Variants in UNC119 observed in about 807,000 individuals in gnomAD.
UNC119 encodes unc-119 lipid binding chaperone, also known as protein unc-119 homolog A.
A neutral mutation model predicts 22.6 loss-of-function variants in UNC119; 15 were observed. The observed-to-expected ratio is 0.66, with a 90% confidence interval of 0.44 to 1.02. The LOEUF is 1.02. UNC119 is among the 50% of genes least tolerant of loss of function. The pLI is 0.00. For synonymous variants in UNC119, 138 were observed against 139.4 expected, an observed-to-expected ratio of 0.99 and a Z score of 0.07; for missense variants, 322 against 336.0, an observed-to-expected ratio of 0.96 and a Z score of 0.33.
Position 28,547,111 on chromosome 17 carries a change from C to T in UNC119, c.*186G>A. 1 of 696,856 alleles carries T rather than the reference C, an allele frequency of 1.4e-6. No homozygotes were observed. The allele number at this position is 696,856 out of a possible 1,614,324, so 43.2% of individuals were successfully genotyped here. A position where few individuals can be genotyped will look rare whatever the true frequency, so the allele number is the denominator to read the frequency against. The stretch of plus-strand genomic sequence containing the variant: ...CTCCCTACGACCCCACCCCATGTAG[C>T]AGGCCGCATGGGCTTCATGGGCTTG... On this transcript the variant is annotated 3_prime_UTR_variant, in exon 5 of 5. Transcript: ENST00000335765.
chr17:28,548,265 GT>G, intron 2 of UNC119, 164 bp from the exon 3 acceptor site: 1 of 688,438 alleles, frequency 1.5e-6, no homozygotes, highest in South Asian at 1.9e-5. Flanking sequence ...CCACCTAGGG[GT>G]TCTAGGTCTG....
chr17:28,552,473 G>C lies in UNC119; in HGVS notation c.85C>G (p.Pro29Ala), dbSNP rs1398705872. 1.3e-6 allele frequency: 2 copies of C among 1,578,912 alleles called. No homozygotes were observed. The highest frequency in any genetic ancestry group is 1.7e-5 in the Admixed American group (1 of 58,040). The change falls in exon 1 of 5, where the codon CCA becomes GCA. Residue 29 changes from proline to alanine, a missense_variant. By Grantham distance (27) the Pro-to-Ala change is conservative. Coordinates refer to ENST00000335765, the MANE Select transcript of UNC119 (RefSeq NM_005148.4). ...GPSGQSVAPI[P>A]QPPAESESGS... Reference sequence around the variant, plus strand: ...GATTCGGATTCCGCAGGCGGCTGTGGTATGGGGGCCACGCTCTGGCCCGAG... The same window carrying C: ...GATTCGGATTCCGCAGGCGGCTGTGCTATGGGGGCCACGCTCTGGCCCGAG...
chr17:28,552,084 G>A (rs1271842745), intron 1 of UNC119: 2 of 681,642 alleles, frequency 2.9e-6, no homozygotes, highest in East Asian at 5.8e-5. Context: ...GGGAAAAGGG[G>A]ACGGGCCCCT....
Position 28,547,850 on chromosome 17 carries a change from C to T in UNC119, c.438-1G>A. 1 of 1,614,100 alleles carries T rather than the reference C, an allele frequency of 6.2e-7. No individual in the cohort carries two copies. Among genetic ancestry groups the T allele is most frequent in the Non-Finnish European group, 8.5e-7 (1 of 1,179,982 alleles). The stretch of plus-strand genomic sequence containing the variant: ...CTTGTCTCCCACTGTGAACTCCACC[C>T]TGAGCAAGAAAAGGAGGCAGGGCTA... On this transcript the variant is annotated splice_acceptor_variant, in intron 3 of 4. Transcript: ENST00000335765. LOFTEE classifies it high-confidence loss of function.
In UNC119 at chr17:28,547,346, C is replaced by T. The variant is rs372687395; in HGVS notation, c.674G>A (p.Arg225Gln). The change falls in exon 5 of 5, where the codon CGG (arginine) becomes CAG (glutamine). Residue 225 changes from arginine (R) to glutamine (Q), a missense_variant. By Grantham distance (43) the Arg-to-Gln change is conservative. Coordinates refer to ENST00000335765, the MANE Select transcript of UNC119 (RefSeq NM_005148.4). Reference protein sequence around the residue: ...QSDSFYFVDDRLVMHNKADYS... With the variant: ...QSDSFYFVDDQLVMHNKADYS... The stretch of plus-strand genomic sequence containing the variant: ...GTCTGCTTTATTGTGCATCACCAGC[C>T]GGTCATCCACGAAGTAGAAGCTGTC... The T allele has an allele frequency of 3.5e-5, 57 of 1,614,038 alleles. No homozygotes were observed. The highest frequency in any genetic ancestry group is 4.4e-5 in the Non-Finnish European group (52 of 1,180,026).
chr17:28,552,498 G>A lies in UNC119; in HGVS notation c.60C>T (p.Pro20=). 3 of 1,568,326 alleles carry A rather than the reference G, an allele frequency of 1.9e-6. No individual in the cohort carries two copies. The highest frequency in any genetic ancestry group is 1.1e-5 in the South Asian group (1 of 87,278). ...AGTATESAPG[P]SGQSVAPIPQ... ...GTATGGGGGCCACGCTCTGGCCCGA[G>A]GGCCCCGGAGCGGACTCCGTCGCCG... The change falls in exon 1 of 5, where the codon CCC becomes CCT. Residue 20 remains proline, a synonymous_variant. Coordinates refer to ENST00000335765, the MANE Select transcript of UNC119 (RefSeq NM_005148.4).
chr17:28,547,430 G>A, intron 4 of UNC119, 21 bp from the exon 5 acceptor site: 1 of 1,613,676 alleles, frequency 6.2e-7, no homozygotes, highest in Non-Finnish European at 8.5e-7. Flanking sequence ...GGCCCAGCCA[G>A]GCCGGGCAAA....
intron 1 of UNC119, 165 bp downstream of exon 1, chr17:28,552,173 C>A: frequency 1.4e-6 from 1 of 709,986 alleles, no homozygotes; most frequent in Non-Finnish European, 2.5e-6. Flanking sequence ...ACACAGAGAT[C>A]TCAGACCTGG....
At position 28,547,361 on chromosome 17, in the gene UNC119, T is replaced by A. The variant is rs1210572569; in HGVS notation, c.659A>T (p.Tyr220Phe). 1 of 1,614,192 alleles carries A rather than the reference T, an allele frequency of 6.2e-7. No individual in the cohort carries two copies. The highest frequency in any genetic ancestry group is 1.3e-5 in the African/African-American group (1 of 75,052). The change falls in exon 5 of 5, where the codon TAC becomes TTC. Residue 220 changes from tyrosine to phenylalanine, a missense_variant. Coordinates refer to ENST00000335765, the MANE Select transcript of UNC119 (RefSeq NM_005148.4). ...HPYETQSDSF[Y>F]FVDDRLVMHN... ...CATCACCAGCCGGTCATCCACGAAGTAGAAGCTGTCAGACTGGGTCTCATA... is the reference window on the plus strand; with the variant it reads ...CATCACCAGCCGGTCATCCACGAAGAAGAAGCTGTCAGACTGGGTCTCATA...
intron 2 of UNC119, 50 bp from the exon 3 acceptor site, chr17:28,548,151 T>G: frequency 6.4e-7 from 1 of 1,556,888 alleles, no homozygotes; most frequent in Non-Finnish European, 8.7e-7. Flanking sequence ...TGGGCCCTTG[T>G]CCACCCAGGG....
intron 4 of UNC119, 75 bp downstream of exon 4, chr17:28,547,602 A>G: frequency 6.2e-7 from 1 of 1,612,982 alleles, no homozygotes; most frequent in Non-Finnish European, 8.5e-7. Context: ...TCAGACCCAC[A>G]AGTCCCTCTC....
intron 2 of UNC119, 100 bp downstream of exon 2, chr17:28,548,492 C>T: frequency 3.9e-6 from 4 of 1,015,590 alleles, no homozygotes; most frequent in Non-Finnish European, 6.1e-6. Context: ...GGGTCCAAGC[C>T]CCAGCTCTGT....
chr17:28,548,576 C>T lies in UNC119; in HGVS notation c.334+16G>A. On this transcript the variant is annotated intron_variant, in intron 2 of 4. Transcript: ENST00000335765. ...CCTATCTGCCTCCCCATCAATGGCCCACCCAGCCCACTCACCTGAGACTGG... is the reference window on the plus strand; with the variant it reads ...CCTATCTGCCTCCCCATCAATGGCCTACCCAGCCCACTCACCTGAGACTGG... The T allele has an allele frequency of 1.2e-6, 2 of 1,608,708 alleles. No homozygotes were observed. Among genetic ancestry groups the T allele is most frequent in the African/African-American group, 1.3e-5 (1 of 74,930 alleles).
chr17:28,552,315 G>A lies in UNC119; in HGVS notation c.220+23C>T, dbSNP rs758064494. 1.6e-5 allele frequency: 24 copies of A among 1,529,770 alleles called. No individual in the cohort carries two copies. In the South Asian group the frequency reaches 2.7e-4, roughly 18 times the overall value. 94.8% of individuals were successfully genotyped at this position (1,529,770 alleles called of 1,614,324 possible). On this transcript the variant is annotated intron_variant, in intron 1 of 4. Coordinates refer to ENST00000335765, the MANE Select transcript of UNC119 (RefSeq NM_005148.4). Reference sequence around the variant, plus strand: ...CCCTCTCCCCTTCCCACCCGCGGGCGGCGCTCCCTCGCGGGTGCTCACCAC... The same window carrying A: ...CCCTCTCCCCTTCCCACCCGCGGGCAGCGCTCCCTCGCGGGTGCTCACCAC...
In UNC119 at chr17:28,547,005, G is replaced by GC; in HGVS notation, c.*291dup. Reference sequence around the variant, plus strand: ...AGGGGAACACTATTCTGAAACTTGGGCCCAAGTAGGGCCCAGCTAAGTTGT... The same window carrying GC: ...AGGGGAACACTATTCTGAAACTTGGGCCCCAAGTAGGGCCCAGCTAAGTTGT... On this transcript the variant is annotated 3_prime_UTR_variant, in exon 5 of 5. Transcript: ENST00000335765. 1 of 408,808 alleles carries GC rather than the reference G, an allele frequency of 2.4e-6. No homozygotes were observed. The highest frequency in any genetic ancestry group is 2.1e-5 in the South Asian group (1 of 47,482). The allele number at this position is 408,808 out of a possible 1,614,324, so 25.3% of individuals were successfully genotyped here. A position where few individuals can be genotyped will look rare whatever the true frequency, so the allele number is the denominator to read the frequency against.
intron 1 of UNC119, chr17:28,550,130 C>T (rs2070254911): frequency 6.6e-6 from 1 of 152,236 alleles, no homozygotes; most frequent in Admixed American, 6.5e-5. Context: ...GGCCCTGAGT[C>T]TACTACAGCC....
chr17:28,548,452 C>T (rs1482673236), intron 2 of UNC119, 140 bp downstream of exon 2: 4 of 702,746 alleles, frequency 5.7e-6, no homozygotes, highest in Non-Finnish European at 9.6e-6. Flanking sequence ...AAGAAAGGGC[C>T]CCCCTGCCTG....
chr17:28,547,149 A>G lies in UNC119; in HGVS notation c.*148T>C. On this transcript the variant is annotated 3_prime_UTR_variant, in exon 5 of 5. Transcript: ENST00000335765. ...CTTCATGGGCTTGACTGGGGACACCAGGTACCCTTCCTCCCAACATTGACT... is the reference window on the plus strand; with the variant it reads ...CTTCATGGGCTTGACTGGGGACACCGGGTACCCTTCCTCCCAACATTGACT... 1.0e-6 allele frequency: 1 copy of G among 965,930 alleles called. No homozygotes were observed. Among genetic ancestry groups the G allele is most frequent in the Non-Finnish European group, 1.6e-6 (1 of 631,322 alleles). The allele number at this position is 965,930 out of a possible 1,614,324, so 59.8% of individuals were successfully genotyped here. A position where few individuals can be genotyped will look rare whatever the true frequency, so the allele number is the denominator to read the frequency against.
Position 28,552,375 on chromosome 17 carries a change from C to T in UNC119, c.183G>A (p.Gly61=), listed in dbSNP as rs756023315. ...GCTGCAGCCCCAGCACGTCCTCCGG[C>T]CCGATCGGCTGCTTCCTCTGCAGCG... The part of the protein sequence containing the change: ...PGPLQRKQPI[G]PEDVLGLQRI... The change falls in exon 1 of 5, where the codon GGG becomes GGA. Residue 61 remains glycine, a synonymous_variant. Coordinates refer to ENST00000335765, the MANE Select transcript of UNC119 (RefSeq NM_005148.4). 7.1e-6 allele frequency: 11 copies of T among 1,546,480 alleles called. No individual in the cohort carries two copies. Among genetic ancestry groups the T allele is most frequent in the South Asian group, 3.5e-5 (3 of 85,180 alleles).
Sources: allele counts gnomAD v4.1 joint callset, GRCh38; gene constraint gnomAD v4.1.1; transcripts MANE v1.5; gene names NCBI Gene and HGNC (gene_info 2026-07-23, HGNC 2026-07-21).